The following ATAD3A variants were observed in gnomAD, a reference collection of about 807,000 sequenced individuals.
ATAD3A encodes the protein ATPase family AAA domain containing 3A.
In ATAD3A, 46 loss-of-function variants were observed where a neutral mutation model predicts 73.8. That is an observed-to-expected ratio of 0.62 (90% CI 0.49 to 0.80). ATAD3A has a LOEUF of 0.80. Among genes scored for constraint, ATAD3A ranks in the 30% least tolerant of loss-of-function variants. The probability of loss-of-function intolerance (pLI) is 0.00; values close to 1 mark genes in which losing one functional copy is unlikely to be tolerated. For missense variants in ATAD3A, 705 were observed against 838.0 expected (o/e 0.84, Z 1.96); for synonymous variants, 319 against 350.0 (o/e 0.91, Z 0.99).
intron 2 of ATAD3A, among the ~76,000 whole-genome samples, chr1:1,516,643 C>T (rs1159067651): frequency 6.6e-6 from 1 of 151,912 alleles, no homozygotes; most frequent in African/African-American, 2.4e-5. Context: ...GAACTCCTGA[C>T]TTCAAGTGAT....
Position 1,523,752 on chromosome 1 carries a change from T to G in ATAD3A, c.964-87T>G. 2 of 1,601,450 alleles carry G rather than the reference T, an allele frequency of 1.2e-6. No homozygotes were observed. Among genetic ancestry groups the G allele is most frequent in the Non-Finnish European group, 1.7e-6 (2 of 1,172,946 alleles). ...GTGGGAGGCTTCCCGAGGAGCCGAG[T>G]CTGCACCCAGGCATTCCCGCAGCCC... is the stretch of plus-strand genomic sequence containing the variant. On this transcript the variant is annotated intron_variant, in intron 9 of 15. Coordinates refer to ENST00000378756, the MANE Select transcript of ATAD3A (RefSeq NM_001170535.3). The surrounding 1 kb of genome is among the most constrained non-coding windows in gnomAD (Gnocchi z 5.1).
At position 1,527,656 on chromosome 1, in the gene ATAD3A, G is replaced by A. The variant is rs149027717; in HGVS notation, c.1338-39G>A. The A allele has an allele frequency of 2.2e-4, 343 of 1,577,874 alleles. No individual in the cohort carries two copies. In the African/African-American group the frequency reaches 3.7e-3, roughly 17 times the overall value. The stretch of plus-strand genomic sequence containing the variant: ...CCGTTCCCCTTGGTGCAGCTCGGCC[G>A]GCAGCCCCAGCATCCTCATCCTCAT... On this transcript the variant is annotated intron_variant, in intron 13 of 15. Transcript: ENST00000378756.
intron 15 of ATAD3A, among the ~76,000 whole-genome samples, chr1:1,531,996 C>G (rs1317238792): frequency 2.6e-5 from 4 of 152,080 alleles, no homozygotes; most frequent in Admixed American, 2.0e-4. Context: ...TGGTCGAATG[C>G]TTTTCCTGCA....
chr1:1,527,894 G>T (rs1421826321), intron 14 of ATAD3A, 32 bp downstream of exon 14: 3 of 1,599,710 alleles, frequency 1.9e-6, no homozygotes, highest in Non-Finnish European at 1.7e-6. Context: ...CCCCCGTCCA[G>T]GGGCCCTCGC....
intron 15 of ATAD3A, among the ~76,000 whole-genome samples, chr1:1,530,844 A>AC (rs1263631019): frequency 1.0e-5 from 1 of 99,930 alleles, no homozygotes. Context: ...AAAAAAAAAA[A>AC]AAAAAAAAAA....
rs375954457 is a variant in ATAD3A at position 1,525,231 on chromosome 1, C to G, written c.1215-9C>G. The G allele has an allele frequency of 1.4e-4, 223 of 1,613,672 alleles. No homozygotes were observed. Among genetic ancestry groups the G allele is most frequent in the Admixed American group, 3.0e-4 (18 of 59,982 alleles). Reference sequence around the variant, plus strand: ...CTCTCGCCCTGCTTGGCCTCCCTCTCGTTCACAGCCTCCTGCTCTTTGTGG... The same window carrying G: ...CTCTCGCCCTGCTTGGCCTCCCTCTGGTTCACAGCCTCCTGCTCTTTGTGG... On this transcript the variant is annotated splice_polypyrimidine_tract_variant and intron_variant, in intron 11 of 15. Transcript: ENST00000378756.
At chr1:1,528,009 G>A (rs1641910834) in intron 14 of ATAD3A, 147 bp downstream of exon 14, 1 of 1,041,990 alleles carries the variant, frequency 9.6e-7, no homozygotes, top group Non-Finnish European at 1.3e-6. Flanking sequence ...GCCCAGGCTG[G>A]AGTGCAGTGA....
intron 15 of ATAD3A, among the ~76,000 whole-genome samples, chr1:1,531,110 A>G (rs1342065190): frequency 2.6e-5 from 4 of 152,064 alleles, no homozygotes; most frequent in Non-Finnish European, 4.4e-5. Context: ...GTGAGCTGAG[A>G]TGGTGCCACT....
chr1:1,531,399 C>T (rs1294157526), intron 15 of ATAD3A, among the ~76,000 whole-genome samples: 11 of 151,404 alleles, frequency 7.3e-5, no homozygotes, highest in Admixed American at 5.9e-4. Context: ...TGCAAAGAGC[C>T]GAGATTGCAC....
At chr1:1,526,569 G>T (rs746198986) in intron 13 of ATAD3A, 38 bp downstream of exon 13, 2 of 1,611,568 alleles carry the variant, frequency 1.2e-6, no homozygotes, top group Non-Finnish European at 1.7e-6. Flanking sequence ...CCCGGGCAGG[G>T]CTGTGCAGCC....
In ATAD3A at chr1:1,528,792, C is replaced by T. The variant is rs1487055267; in HGVS notation, c.1506-431C>T. Among the ~76,000 whole-genome samples the T allele has an allele frequency of 2.0e-5, 3 of 152,376 alleles. No individual in the cohort carries two copies. The East Asian group carries it at 5.8e-4, about 29-fold the overall frequency. ...GTTGCCGCTGCCGCCTGCTCCATGC[C>T]AGCCCAGCTTTCCGGGCCTCAGTTT... On this transcript the variant is annotated intron_variant, in intron 14 of 15. Coordinates refer to ENST00000378756, the MANE Select transcript of ATAD3A (RefSeq NM_001170535.3).
rs1445770211 is a variant in ATAD3A, at chr1:1,523,826, T to A, written c.964-13T>A. The A allele has an allele frequency of 1.2e-6, 2 of 1,613,716 alleles. No individual in the cohort carries two copies. Among genetic ancestry groups the A allele is most frequent in the Admixed American group, 3.3e-5 (2 of 60,012 alleles). On this transcript the variant is annotated splice_polypyrimidine_tract_variant and intron_variant, in intron 9 of 15. Transcript: ENST00000378756. This position sits in a 1 kb window ranked among gnomAD's most constrained non-coding sequence, Gnocchi z 5.1. The stretch of plus-strand genomic sequence containing the variant: ...GCACAGTGTCTCCTCCAAACCCCCG[T>A]CTTCCCCGGCAGCCCAGCCTGGAAG...
intron 4 of ATAD3A, 32 bp from the exon 5 acceptor site, chr1:1,518,889 G>A (rs1181078205): frequency 1.2e-6 from 2 of 1,614,102 alleles, no homozygotes; most frequent in African/African-American, 2.7e-5. Flanking sequence ...AGGTTTTAAA[G>A]GCTTTTCTCT....
In ATAD3A at chr1:1,529,415, C is replaced by T. The variant is rs114249438; in HGVS notation, c.1614+84C>T. The T allele has an allele frequency of 3.5e-5, 52 of 1,498,276 alleles. No individual in the cohort carries two copies. The East Asian group carries it at 4.6e-4, about 13-fold the overall frequency. The allele number at this position is 1,498,276 out of a possible 1,614,324, so 92.8% of individuals were successfully genotyped here. Reference sequence around the variant, plus strand: ...AGTTGCGCCAGGCCTGTCCCAGCACCGGTGTCACGCGGGAGCTTCTGTTGA... The same window carrying T: ...AGTTGCGCCAGGCCTGTCCCAGCACTGGTGTCACGCGGGAGCTTCTGTTGA... On this transcript the variant is annotated intron_variant, in intron 15 of 15. Coordinates refer to ENST00000378756, the MANE Select transcript of ATAD3A (RefSeq NM_001170535.3).
chr1:1,515,862 T>G (rs1570319572), intron 1 of ATAD3A, 150 bp from the exon 2 acceptor site: 1 of 828,278 alleles, frequency 1.2e-6, no homozygotes, highest in East Asian at 2.7e-5. Context: ...ACGCCAGGTC[T>G]GACTAGGAAG....
Position 1,523,925 on chromosome 1 carries a change from G to A in ATAD3A, c.1050G>A (p.Met350Ile), listed in dbSNP as rs1490082073. Residue 350 changes from methionine to isoleucine, a missense_variant, in exon 10 of 16, where the codon ATG becomes ATA. Physicochemically the swap from Met to Ile is conservative, Grantham distance 10. This residue lies in a region of ATAD3A where 315 missense variants were observed against 334.1 expected (regional missense o/e 0.94). Transcript: ENST00000378756. The surrounding 1 kb of genome is among the most constrained non-coding windows in gnomAD (Gnocchi z 5.1). ...KNRSLYRNIL[M>I]YGPPGTGKTL... ...GCAGCCTGTACAGGAACATCCTGATGTACGGGCCACCAGGCACCGGGAAGA... is the reference window on the plus strand; with the variant it reads ...GCAGCCTGTACAGGAACATCCTGATATACGGGCCACCAGGCACCGGGAAGA... 3.7e-6 allele frequency: 6 copies of A among 1,614,046 alleles called. No individual in the cohort carries two copies. In the East Asian group the frequency reaches 1.1e-4, roughly 30 times the overall value.
chr1:1,525,526 C>T (rs10796394), intron 12 of ATAD3A, among the ~76,000 whole-genome samples: 25,129 of 151,372 alleles, frequency 0.17, 4,226 homozygotes, highest in African/African-American at 0.4. Flanking sequence ...GCCATTCTCC[C>T]GCCTCAGCCT....
At chr1:1,521,317 A>AAC in intron 7 of ATAD3A, among the ~76,000 whole-genome samples, 1 of 150,830 alleles carries the variant, frequency 6.6e-6, no homozygotes, top group Non-Finnish European at 1.5e-5. Context: ...AAAAAAAAAA[A>AAC]AAAAAAAAAA....
At chr1:1,518,018 A>C (rs1054899953) in intron 4 of ATAD3A, among the ~76,000 whole-genome samples, 1 of 151,796 alleles carries the variant, frequency 6.6e-6, no homozygotes, top group Non-Finnish European at 1.5e-5. Flanking sequence ...CACTCCTCGC[A>C]CACACACTCC....
Sources: gnomAD v4.1 joint callset for allele counts (sites outside exome capture counted in the v4.1 genomes callset) on GRCh38, gnomAD v4.1.1 for gene constraint, gnomAD v4.1.1 regional missense constraint, Gnocchi (gnomAD v3.1) non-coding constraint, MANE v1.5 for transcripts, NCBI Gene and HGNC (gene_info 2026-07-23, HGNC 2026-07-21) for gene names.